RNF212: variants seen among roughly 807,000 people sequenced by gnomAD.
The protein encoded by RNF212 is ring finger protein 212.
RNF212 carries 33 observed loss-of-function variants against 34.7 expected under a neutral mutation model. That is an observed-to-expected ratio of 0.95 (90% CI 0.72 to 1.27). The LOEUF is 1.27. Among genes scored for constraint, RNF212 ranks in the 50% most tolerant of loss-of-function variants. The probability of loss-of-function intolerance (pLI) is 0.00; values close to 1 mark genes in which losing one functional copy is unlikely to be tolerated. For missense variants in RNF212, 377 were observed against 362.2 expected, an observed-to-expected ratio of 1.04 and a Z score of -0.33; for synonymous variants, 140 against 136.1, an observed-to-expected ratio of 1.03 and a Z score of -0.20.
upstream of RNF212, chr4:1,113,682 G>A (rs980419485): frequency 3.0e-5 from 14 of 469,830 alleles, no homozygotes; most frequent in African/African-American, 6.3e-5. Flanking sequence ...CTCCCAGGTC[G>A]TTTGGGCTGG....
chr4:1,081,693 T>A, intron 5 of RNF212, 74 bp from the exon 6 acceptor site: 1 of 1,027,896 alleles, frequency 9.7e-7, no homozygotes, highest in South Asian at 1.3e-5. Context: ...CAACTGAAAG[T>A]GTAAGAAGGC....
chr4:1,073,262 G>C, intron 9 of RNF212, 69 bp from the exon 10 acceptor site: 1 of 1,549,222 alleles, frequency 6.5e-7, no homozygotes, highest in Non-Finnish European at 8.7e-7. Flanking sequence ...TGTGTGCTGA[G>C]GGTGAGGGAG....
At chr4:1,065,785 C>T (rs560091662) in intron 3 of RNF212, among the ~76,000 whole-genome samples, 3 of 151,902 alleles carry the variant, frequency 2.0e-5, no homozygotes, top group African/African-American at 7.2e-5. Flanking sequence ...CAGGTTTCAT[C>T]ATGTTGGCCA....
intron 7 of RNF212, 118 bp from the exon 8 acceptor site, chr4:1,079,806 T>C: frequency 5.2e-6 from 4 of 772,040 alleles, no homozygotes; most frequent in Middle Eastern, 4.6e-4. Context: ...TCTAGCTTCA[T>C]GCTGCGGCCA....
chr4:1,079,146 G>A (rs891420646), intron 8 of RNF212, among the ~76,000 whole-genome samples: 15 of 144,416 alleles, frequency 1.0e-4, no homozygotes, highest in African/African-American at 3.4e-4. Flanking sequence ...CCAACACAGG[G>A]TCAACACAGG....
At chr4:1,108,759 C>T (rs917563155) in intron 1 of RNF212, among the ~76,000 whole-genome samples, 6 of 152,128 alleles carry the variant, frequency 3.9e-5, no homozygotes, top group African/African-American at 1.4e-4. Flanking sequence ...CTGCAAGTGG[C>T]ATGATCACAG....
In RNF212 at chr4:1,072,597, A is replaced by T; in HGVS notation, c.*277T>A. The T allele has an allele frequency of 1.0e-6, 1 of 959,612 alleles. No homozygotes were observed. The highest frequency in any genetic ancestry group is 1.3e-6 in the Non-Finnish European group (1 of 775,066). 59.4% of individuals were successfully genotyped at this position (959,612 alleles called of 1,614,324 possible). On this transcript the variant is annotated 3_prime_UTR_variant, in exon 10 of 10. Transcript: ENST00000433731. ...AAGTTTTAAAAACCACCCAGTTAGA[A>T]AAAAATGATTTAAGTATGTGAAAAA...
At chr4:1,093,410 G>C (rs1304016323) in intron 3 of RNF212, 1 of 1,414,234 alleles carries the variant, frequency 7.1e-7, no homozygotes, top group Non-Finnish European at 9.2e-7. Flanking sequence ...GTTGATATTA[G>C]AGCATAAATG....
intron 7 of RNF212, 141 bp from the exon 8 acceptor site, chr4:1,079,829 T>A: frequency 1.5e-6 from 1 of 688,572 alleles, no homozygotes; most frequent in East Asian, 2.7e-5. Flanking sequence ...GTTTAGCCAC[T>A]TAGGCATCTG....
intron 3 of RNF212, among the ~76,000 whole-genome samples, chr4:1,064,252 C>G (rs957783211): frequency 6.6e-6 from 1 of 152,080 alleles, no homozygotes. Context: ...TGGGAGGAAG[C>G]GGAGCTATAT....
At chr4:1,105,341 G>A (rs535639166) in intron 2 of RNF212, among the ~76,000 whole-genome samples, 1 of 151,954 alleles carries the variant, frequency 6.6e-6, no homozygotes, top group South Asian at 2.1e-4. Context: ...ACATCCCCAG[G>A]CACTGGCTTC....
At chr4:1,112,791 C>A (rs1365307350) in intron 1 of RNF212, among the ~76,000 whole-genome samples, 2 of 116,762 alleles carry the variant, frequency 1.7e-5, no homozygotes, top group African/African-American at 6.6e-5. Flanking sequence ...CGTCTCCCCT[C>A]CCCCCATCTC....
chr4:1,088,580 G>A (rs972364955), intron 4 of RNF212, among the ~76,000 whole-genome samples: 1 of 152,232 alleles, frequency 6.6e-6, no homozygotes, highest in East Asian at 1.9e-4. Context: ...GCTGGCTGCA[G>A]AAATGTGCAT....
At chr4:1,103,621 TAACAA>T (rs61394227) in intron 2 of RNF212, among the ~76,000 whole-genome samples, 87,555 of 151,784 alleles carry the variant, frequency 0.58, 26,911 homozygotes, top group South Asian at 0.69. Context: ...CTCACCACAT[TAACAA>T]AATAAATGAG....
intron 4 of RNF212, among the ~76,000 whole-genome samples, chr4:1,087,698 T>C (rs1721558361): frequency 1.3e-5 from 2 of 150,948 alleles, no homozygotes; most frequent in Admixed American, 1.3e-4. Context: ...TCTCAAATTG[T>C]AATCCCATGT....
In RNF212 at chr4:1,089,210, G is replaced by A. The variant is rs867504663; in HGVS notation, c.303+1572C>T. On this transcript the variant is annotated intron_variant, in intron 4 of 9. Transcript: ENST00000433731. ...GGGGCTGTACCCTACAGAGCCACAG[G>A]GGTGGAGTTGCCCAAGGCCTTGGGA... is the stretch of plus-strand genomic sequence containing the variant. Among the ~76,000 whole-genome samples, 12 of 152,334 alleles carry A rather than the reference G, an allele frequency of 7.9e-5. No homozygotes were observed. In the South Asian group the frequency reaches 2.3e-3, roughly 29 times the overall value.
Position 1,094,257 on chromosome 4 carries a change from C to T in RNF212, c.246+2508G>A, listed in dbSNP as rs577159968. 1.6e-4 allele frequency among the ~76,000 whole-genome samples: 24 copies of T among 152,224 alleles called. 1 individual carries two copies. The South Asian group carries it at 4.4e-3, about 28-fold the overall frequency. On this transcript the variant is annotated intron_variant, in intron 3 of 9. Transcript: ENST00000433731. ...CGGAAGAGGGAAAGGAAGTGCAGGG[C>T]GGGGGCCAGGGGAAGGACCCCTTCC...
chr4:1,082,702 G>A (rs1720547472), intron 5 of RNF212, among the ~76,000 whole-genome samples: 2 of 152,172 alleles, frequency 1.3e-5, no homozygotes, highest in Admixed American at 1.3e-4. Context: ...TCCCCACACA[G>A]AAGCTCCCAG....
At chr4:1,087,147 T>A (rs184801767) in intron 4 of RNF212, among the ~76,000 whole-genome samples, 3 of 90 alleles carry the variant, frequency 0.033, no homozygotes, top group Non-Finnish European at 0.042. Flanking sequence ...GGGGTGGGGG[T>A]GAGAGGATGG....
Sources: gnomAD v4.1 joint callset for allele counts (sites outside exome capture counted in the v4.1 genomes callset) on GRCh38, gnomAD v4.1.1 for gene constraint, MANE v1.5 for transcripts, NCBI Gene and HGNC (gene_info 2026-07-23, HGNC 2026-07-21) for gene names.